PDE2A: variants seen among roughly 807,000 people sequenced by gnomAD.
PDE2A encodes cGMP-dependent 3',5'-cyclic phosphodiesterase.
Under a neutral mutation model 133.6 loss-of-function variants are expected in PDE2A, and 53 were observed. That is an observed-to-expected ratio of 0.40 (90% CI 0.32 to 0.50). The LOEUF is 0.50. Ranked by LOEUF, PDE2A falls within the 20% of genes least tolerant of loss-of-function variation. The probability of loss-of-function intolerance (pLI) is 0.73; values close to 1 mark genes in which losing one functional copy is unlikely to be tolerated. For missense variants in PDE2A, 796 were observed against 1,232.4 expected, an observed-to-expected ratio of 0.65 and a Z score of 5.30; for synonymous variants, 491 against 490.2, an observed-to-expected ratio of 1.00 and a Z score of -0.02.
At chr11:72,602,216 G>C (rs931931663) in intron 4 of PDE2A, among the ~76,000 whole-genome samples, 3 of 152,220 alleles carry the variant, frequency 2.0e-5, no homozygotes, top group Admixed American at 1.3e-4. Context: ...AACACACTGG[G>C]GGGATGCAGC....
chr11:72,650,928 T>G (rs879691947), intron 1 of PDE2A, among the ~76,000 whole-genome samples: 1 of 81,448 alleles, frequency 1.2e-5, no homozygotes, highest in African/African-American at 4.7e-5. Flanking sequence ...CACACACACA[T>G]ACACAAAGGC....
chr11:72,630,896 G>A (rs1858343956), intron 2 of PDE2A, among the ~76,000 whole-genome samples: 1 of 152,042 alleles, frequency 6.6e-6, no homozygotes, highest in South Asian at 2.1e-4. Flanking sequence ...TTCCAGGCTG[G>A]GGATATATAG....
chr11:72,673,398 T>TACACACAC (rs10552751), intron 1 of PDE2A, among the ~76,000 whole-genome samples: 9,487 of 148,340 alleles, frequency 0.064, 727 homozygotes, highest in African/African-American at 0.18. Context: ...TCCACATGTA[T>TACACACAC]ACACACACAC....
intron 1 of PDE2A, among the ~76,000 whole-genome samples, chr11:72,661,071 G>T (rs1479439891): frequency 6.6e-6 from 1 of 152,090 alleles, no homozygotes; most frequent in Non-Finnish European, 1.5e-5. Context: ...TTGGGAGGCC[G>T]AGGCAGGAGG....
rs1252665772 is a variant in PDE2A, at chr11:72,585,540, A to G, written c.1222+14T>C. The G allele has an allele frequency of 8.7e-6, 14 of 1,614,084 alleles. No individual in the cohort carries two copies. Among genetic ancestry groups the G allele is most frequent in the South Asian group, 2.2e-5 (2 of 91,078 alleles). On this transcript the variant is annotated intron_variant, in intron 15 of 30. Coordinates refer to ENST00000334456, the MANE Select transcript of PDE2A (RefSeq NM_002599.5). ...TGCCCACACACAGCCAGGCAGAGAG[A>G]ACAGTGCACTCACCCAGGTGGGTGA...
In PDE2A at chr11:72,584,868, T is replaced by G. The variant is rs779431408; in HGVS notation, c.1359+4A>C. ...GGCCACATACTCCCTCCACACCCTC[T>G]CACCTCATCATCCACCACGCCCCCG... On this transcript the variant is annotated splice_donor_region_variant and intron_variant, in intron 17 of 30. Transcript: ENST00000334456. 6.2e-7 allele frequency: 1 copy of G among 1,613,694 alleles called. No individual in the cohort carries two copies.
chr11:72,630,981 C>T, intron 2 of PDE2A: 1 of 989,852 alleles, frequency 1.0e-6, no homozygotes, highest in Non-Finnish European at 1.6e-6. Context: ...CTCCAGCCTC[C>T]CCGTCCTCCC....
intron 3 of PDE2A, among the ~76,000 whole-genome samples, chr11:72,607,237 G>T (rs539998742): frequency 7.1e-4 from 108 of 152,302 alleles, no homozygotes; most frequent in South Asian, 1.7e-3. Flanking sequence ...CAGCTTTGGG[G>T]AGACAATTAA....
chr11:72,625,759 C>T (rs1357750582), intron 2 of PDE2A, among the ~76,000 whole-genome samples: 1 of 152,218 alleles, frequency 6.6e-6, no homozygotes, highest in East Asian at 1.9e-4. Context: ...CTGGCACACC[C>T]TTCCCTCCTA....
Position 72,599,104 on chromosome 11 carries a change from G to A in PDE2A, c.324-1485C>T, listed in dbSNP as rs1327985980. ...CAATCTGGTTAACCGGAGGCCACAA[G>A]GTGGCACTGGTCCTTGCGTTGCTGG... On this transcript the variant is annotated intron_variant, in intron 4 of 30. Transcript: ENST00000334456. 5.8e-6 allele frequency: 5 copies of A among 860,990 alleles called. No individual in the cohort carries two copies. The African/African-American group carries it at 7.3e-5, about 13-fold the overall frequency. 53.3% of individuals were successfully genotyped at this position (860,990 alleles called of 1,614,324 possible).
intron 2 of PDE2A, among the ~76,000 whole-genome samples, chr11:72,616,834 T>G (rs375060565): frequency 6.6e-6 from 1 of 152,324 alleles, no homozygotes; most frequent in East Asian, 1.9e-4. Context: ...CCTTCTTTCA[T>G]GAGTGAGGAC....
intron 16 of PDE2A, 179 bp from the exon 17 acceptor site, chr11:72,585,123 T>G (rs1855905758): frequency 1.5e-6 from 1 of 669,638 alleles, no homozygotes; most frequent in African/African-American, 1.8e-5. Flanking sequence ...TGTTTTTTTT[T>G]TTTTTTGGAA....
At chr11:72,616,687 C>G (rs1275066694) in intron 2 of PDE2A, among the ~76,000 whole-genome samples, 1 of 152,198 alleles carries the variant, frequency 6.6e-6, no homozygotes, top group Non-Finnish European at 1.5e-5. Flanking sequence ...CTACTGAGAG[C>G]CTTTGGCAAC....
At chr11:72,581,571 G>A in intron 22 of PDE2A, 92 bp from the exon 23 acceptor site, 1 of 1,383,112 alleles carries the variant, frequency 7.2e-7, no homozygotes, top group Non-Finnish European at 9.8e-7. Flanking sequence ...CTCCATCCCT[G>A]AGGGACCCTC....
intron 2 of PDE2A, among the ~76,000 whole-genome samples, chr11:72,611,468 G>C (rs1209139064): frequency 2.0e-5 from 3 of 152,172 alleles, no homozygotes; most frequent in African/African-American, 7.2e-5. Context: ...TTCAATTGGG[G>C]AATGCCCTCA....
chr11:72,634,180 CG>C (rs5792598), intron 2 of PDE2A, among the ~76,000 whole-genome samples: 236 of 152,162 alleles, frequency 1.6e-3, no homozygotes, highest in African/African-American at 5.5e-3. Flanking sequence ...CAGGAGGAAG[CG>C]GGTGGCAGAG....
chr11:72,610,226 T>G (rs1857145785), intron 2 of PDE2A, among the ~76,000 whole-genome samples: 2 of 152,122 alleles, frequency 1.3e-5, no homozygotes, highest in African/African-American at 4.8e-5. Context: ...TGTGGCCCCA[T>G]GGACAGCCTG....
rs1450439525 is a variant in PDE2A at position 72,674,225 on chromosome 11, C to T, written c.-18G>A. On this transcript the variant is annotated 5_prime_UTR_variant, in exon 1 of 31. Transcript: ENST00000334456. Reference sequence around the variant, plus strand: ...TGCCCCATCACTCCTCATCGTCCGCCTCCCCAGCCAGACTAAGGTGGCACC... The same window carrying T: ...TGCCCCATCACTCCTCATCGTCCGCTTCCCCAGCCAGACTAAGGTGGCACC... 1 of 1,604,166 alleles carries T rather than the reference C, an allele frequency of 6.2e-7. No homozygotes were observed. The highest frequency in any genetic ancestry group is 8.5e-7 in the Non-Finnish European group (1 of 1,177,922).
At chr11:72,613,294 G>A (rs891959887) in intron 2 of PDE2A, among the ~76,000 whole-genome samples, 3 of 151,922 alleles carry the variant, frequency 2.0e-5, no homozygotes, top group Non-Finnish European at 4.4e-5. Flanking sequence ...CCCAAGGTCC[G>A]GCTGTGCTCT....
Sources: allele counts gnomAD v4.1 joint callset (sites outside exome capture counted in the v4.1 genomes callset), GRCh38; gene constraint gnomAD v4.1.1; transcripts MANE v1.5; gene names NCBI Gene and HGNC (gene_info 2026-07-23, HGNC 2026-07-21).